CNTNAP2: variants seen among roughly 807,000 people sequenced by gnomAD.
CNTNAP2 encodes contactin-associated protein-like 2.
A neutral mutation model predicts 155.2 loss-of-function variants in CNTNAP2; 98 were observed. That is an observed-to-expected ratio of 0.63 (90% confidence interval 0.54 to 0.75). The LOEUF (loss-of-function observed/expected upper bound fraction) is 0.75, where lower values mean the gene tolerates loss of function less well. Ranked by LOEUF, CNTNAP2 falls within the 30% of genes least tolerant of loss-of-function variation. The pLI is 0.00. For synonymous variants in CNTNAP2, 651 were observed against 631.2 expected (o/e 1.03, Z -0.47); for missense variants, 1,727 against 1,688.1 (o/e 1.02, Z -0.40).
chr7:146,535,963 A>G (rs892347378), intron 1 of CNTNAP2, among the ~76,000 whole-genome samples: 1 of 152,144 alleles, frequency 6.6e-6, no homozygotes, highest in Non-Finnish European at 1.5e-5. Flanking sequence ...AGGTTAAAAG[A>G]GAAAATATAT....
chr7:147,758,140 A>C (rs905294841), intron 13 of CNTNAP2, among the ~76,000 whole-genome samples: 1 of 152,228 alleles, frequency 6.6e-6, no homozygotes, highest in Non-Finnish European at 1.5e-5. Context: ...TTCAGGAAAT[A>C]CCTAGCTGCT....
intron 3 of CNTNAP2, among the ~76,000 whole-genome samples, chr7:146,938,019 G>A (rs1585169468): frequency 6.6e-6 from 1 of 152,170 alleles, no homozygotes; most frequent in African/African-American, 2.4e-5. Flanking sequence ...ATTCCACCCT[G>A]AAGATGTAAC....
intron 17 of CNTNAP2, among the ~76,000 whole-genome samples, chr7:148,158,398 T>G (rs1207446703): frequency 6.6e-6 from 1 of 152,002 alleles, no homozygotes; most frequent in African/African-American, 2.4e-5. Context: ...AATTTTTGTA[T>G]TTTTAGTAGA....
At chr7:147,765,390 T>C (rs148855906) in intron 13 of CNTNAP2, among the ~76,000 whole-genome samples, 17 of 152,288 alleles carry the variant, frequency 1.1e-4, no homozygotes, top group African/African-American at 3.4e-4. Flanking sequence ...CAATTAATCA[T>C]TGGGCAAGAG....
At chr7:146,484,622 C>G (rs2129129564) in intron 1 of CNTNAP2, among the ~76,000 whole-genome samples, 1 of 151,306 alleles carries the variant, frequency 6.6e-6, no homozygotes, top group East Asian at 2.0e-4. Context: ...ATCTCTGAAA[C>G]CGTATCAGAA....
At chr7:146,877,842 A>G (rs1795461339) in intron 3 of CNTNAP2, among the ~76,000 whole-genome samples, 2 of 152,086 alleles carry the variant, frequency 1.3e-5, no homozygotes, top group South Asian at 4.1e-4. Context: ...TTACCCGACC[A>G]TGATGACAAG....
intron 6 of CNTNAP2, among the ~76,000 whole-genome samples, chr7:147,124,605 G>A (rs1042604201): frequency 6.6e-6 from 1 of 152,086 alleles, no homozygotes; most frequent in Non-Finnish European, 1.5e-5. Context: ...GAACATATAC[G>A]AAAGTAAAGT....
rs955140768 is a variant in CNTNAP2 at position 146,455,677 on chromosome 7, C to A, written c.98-318594C>A. On this transcript the variant is annotated intron_variant, in intron 1 of 23. Coordinates refer to ENST00000361727, the MANE Select transcript of CNTNAP2 (RefSeq NM_014141.6). ...CTGTGTGGAATATAAAATAAAAACT[C>A]ATTTTACAGTGGAAAAATAATTTAA... 3.3e-5 allele frequency among the ~76,000 whole-genome samples: 5 copies of A among 152,272 alleles called. No homozygotes were observed. In the South Asian group the frequency reaches 6.2e-4, roughly 19 times the overall value.
At chr7:146,945,571 T>C (rs1237304113) in intron 3 of CNTNAP2, among the ~76,000 whole-genome samples, 1 of 152,016 alleles carries the variant, frequency 6.6e-6, no homozygotes, top group African/African-American at 2.4e-5. Context: ...TTGAAAAAAA[T>C]TGTTCTTTCC....
At chr7:146,345,321 A>C (rs1243810037) in intron 1 of CNTNAP2, among the ~76,000 whole-genome samples, 1 of 152,122 alleles carries the variant, frequency 6.6e-6, no homozygotes, top group Non-Finnish European at 1.5e-5. Flanking sequence ...AGTCGAGGTG[A>C]AAGGAAGAAC....
chr7:147,194,712 A>C (rs569491492), intron 8 of CNTNAP2, among the ~76,000 whole-genome samples: 1 of 152,168 alleles, frequency 6.6e-6, no homozygotes, highest in Non-Finnish European at 1.5e-5. Flanking sequence ...TGTTGGCTGC[A>C]TAAATGTGTT....
At chr7:146,399,390 T>C (rs1484640765) in intron 1 of CNTNAP2, among the ~76,000 whole-genome samples, 1 of 152,154 alleles carries the variant, frequency 6.6e-6, no homozygotes, top group Non-Finnish European at 1.5e-5. Flanking sequence ...GTTTGACACT[T>C]TTATGACTCC....
intron 13 of CNTNAP2, among the ~76,000 whole-genome samples, chr7:147,654,474 T>C (rs545742117): frequency 2.5e-4 from 38 of 152,324 alleles, no homozygotes; most frequent in Middle Eastern, 3.4e-3. Context: ...TGTTTAGCCA[T>C]AAGAAACAAC....
chr7:147,374,986 G>A (rs1211802063), intron 9 of CNTNAP2, among the ~76,000 whole-genome samples: 1 of 151,846 alleles, frequency 6.6e-6, no homozygotes, highest in African/African-American at 2.4e-5. Flanking sequence ...TGGATCATGG[G>A]GGCAGTTTCC....
chr7:148,024,745 G>A (rs958049122), intron 15 of CNTNAP2, among the ~76,000 whole-genome samples: 1 of 152,052 alleles, frequency 6.6e-6, no homozygotes, highest in African/African-American at 2.4e-5. Flanking sequence ...ATTGCATACG[G>A]GATGTTATTA....
chr7:146,850,399 A>C (rs545389179), intron 3 of CNTNAP2, among the ~76,000 whole-genome samples: 1 of 152,334 alleles, frequency 6.6e-6, no homozygotes, highest in South Asian at 2.1e-4. Context: ...GATGTCTGTG[A>C]AAACTCCTGT....
chr7:147,128,786 G>T lies in CNTNAP2; in HGVS notation c.1033G>T (p.Val345Phe). 6.2e-7 allele frequency: 1 copy of T among 1,614,016 alleles called. No individual in the cohort carries two copies. The highest frequency in any genetic ancestry group is 8.5e-7 in the Non-Finnish European group (1 of 1,179,938). ...CATGGAAAGCATCAACTACAATGGC[G>T]TCAACATTACTGATCTTGCCAGAAG... ...GCMESINYNG[V>F]NITDLARRKK... Residue 345 changes from valine (V) to phenylalanine (F), a missense_variant, in exon 7 of 24, where the codon GTC (valine) becomes TTC (phenylalanine). By Grantham distance (50) the Val-to-Phe change is conservative. Coordinates refer to ENST00000361727, the MANE Select transcript of CNTNAP2 (RefSeq NM_014141.6).
intron 1 of CNTNAP2, among the ~76,000 whole-genome samples, chr7:146,246,521 G>A (rs1444791231): frequency 2.0e-5 from 3 of 150,238 alleles, no homozygotes; most frequent in South Asian, 4.2e-4. Context: ...AGAAGGTAAT[G>A]TGGAGTGGGT....
At chr7:146,918,489 C>T (rs377209830) in intron 3 of CNTNAP2, among the ~76,000 whole-genome samples, 76 of 152,186 alleles carry the variant, frequency 5.0e-4, no homozygotes, top group African/African-American at 1.4e-3. Flanking sequence ...TTTGGTTTAA[C>T]GAGGCTAAAG....
Sources: allele counts gnomAD v4.1 joint callset (sites outside exome capture counted in the v4.1 genomes callset), GRCh38; gene constraint gnomAD v4.1.1; transcripts MANE v1.5; gene names NCBI Gene and HGNC (gene_info 2026-07-23, HGNC 2026-07-21).